SUCLG1: variants seen among roughly 807,000 people sequenced by gnomAD.
The protein encoded by SUCLG1 is succinate-CoA ligase GDP/ADP-forming subunit alpha, also known as succinate--CoA ligase [ADP/GDP-forming] subunit alpha, mitochondrial.
SUCLG1 carries 26 observed loss-of-function variants against 37.3 expected under a neutral mutation model. The ratio of observed to expected loss-of-function variants is 0.70; its 90% CI spans 0.51 to 0.97. The LOEUF (loss-of-function observed/expected upper bound fraction) is 0.97, where lower values mean the gene tolerates loss of function less well. Ranked by LOEUF, SUCLG1 falls within the 50% of genes least tolerant of loss-of-function variation. SUCLG1 has a pLI of 0.00. For missense variants in SUCLG1, 433 were observed against 432.9 expected (o/e 1.00, Z 0.00); for synonymous variants, 163 against 155.6 (o/e 1.05, Z -0.36).
chr2:84,456,152 C>G (rs953134981), intron 1 of SUCLG1, among the ~76,000 whole-genome samples: 1 of 152,100 alleles, frequency 6.6e-6, no homozygotes, highest in Non-Finnish European at 1.5e-5. Context: ...AAAAACAGGC[C>G]TACGCACTTG....
At chr2:84,437,771 A>G (rs990904016) in intron 5 of SUCLG1, among the ~76,000 whole-genome samples, 2 of 152,260 alleles carry the variant, frequency 1.3e-5, no homozygotes, top group African/African-American at 4.8e-5. Flanking sequence ...ACAAATGTTT[A>G]TAGCAGCTGT....
In SUCLG1 at chr2:84,449,762, TAAA is replaced by T. The variant is rs56733272; in HGVS notation, c.98-13_98-11del. 0.38 allele frequency: 295,665 copies of T among 772,734 alleles called. 28,306 individuals are homozygous for T. Among genetic ancestry groups the T allele is most frequent in the Admixed American group, 0.43 (11,812 of 27,246 alleles). 47.9% of individuals were successfully genotyped at this position (772,734 alleles called of 1,614,324 possible). A position where few individuals can be genotyped will look rare whatever the true frequency, so the allele number is the denominator to read the frequency against. On this transcript the variant is annotated splice_polypyrimidine_tract_variant and intron_variant, in intron 1 of 8. Coordinates refer to ENST00000393868, the MANE Select transcript of SUCLG1 (RefSeq NM_003849.4). ...ATTCCATTCTGCGGCACTAAGAGGT[TAAA>T]AAAAAAAAAAAAAAAAAAAAAAGAC...
intron 7 of SUCLG1, among the ~76,000 whole-genome samples, chr2:84,430,254 T>C (rs776674851): frequency 7.2e-5 from 11 of 152,206 alleles, no homozygotes; most frequent in Non-Finnish European, 1.3e-4. Context: ...TACTTTGCTA[T>C]ACGTTACTAA....
chr2:84,430,906 G>A (rs907072960), intron 7 of SUCLG1, among the ~76,000 whole-genome samples: 1 of 152,122 alleles, frequency 6.6e-6, no homozygotes, highest in Non-Finnish European at 1.5e-5. Context: ...CACAGGAACA[G>A]GGCTTAACTC....
rs116831904 is a variant in SUCLG1 at position 84,424,182 on chromosome 2, A to G, written c.1015-410T>C. On this transcript the variant is annotated intron_variant, in intron 8 of 8. Coordinates refer to ENST00000393868, the MANE Select transcript of SUCLG1 (RefSeq NM_003849.4). ...GGTTTGCTCAGTTTCTCAGAGAATA[A>G]AGCTAAAGACAGATTGTTACAAGGA... is the stretch of plus-strand genomic sequence containing the variant. Among the ~76,000 whole-genome samples the G allele has an allele frequency of 2.1e-3, 327 of 152,356 alleles. 1 individual carries two copies. Among genetic ancestry groups the G allele is most frequent in the Middle Eastern group, 3.4e-3 (1 of 294 alleles).
At chr2:84,440,992 G>T in intron 5 of SUCLG1, 55 bp downstream of exon 5, 2 of 1,559,076 alleles carry the variant, frequency 1.3e-6, no homozygotes, top group Admixed American at 1.7e-5. Context: ...TGTGAGTTTT[G>T]AGGGTTTAAG....
chr2:84,455,345 T>C (rs990651474), intron 1 of SUCLG1, among the ~76,000 whole-genome samples: 7 of 151,730 alleles, frequency 4.6e-5, no homozygotes. Flanking sequence ...AAATACAAAA[T>C]TAGCCGGACA....
intron 6 of SUCLG1, chr2:84,432,208 T>C: frequency 6.1e-6 from 1 of 163,058 alleles, no homozygotes; most frequent in South Asian, 1.7e-4. Flanking sequence ...AGAGCATGCA[T>C]ATCAGAGCCA....
At chr2:84,424,655 G>C (rs112904328) in intron 8 of SUCLG1, among the ~76,000 whole-genome samples, 1 of 152,148 alleles carries the variant, frequency 6.6e-6, no homozygotes, top group Non-Finnish European at 1.5e-5. Context: ...GCATGCTTAA[G>C]AGGAGATTTT....
chr2:84,428,112 C>G (rs1014533327), intron 7 of SUCLG1, among the ~76,000 whole-genome samples: 1 of 152,168 alleles, frequency 6.6e-6, no homozygotes, highest in Non-Finnish European at 1.5e-5. Context: ...TGCTCTAGCT[C>G]TGTGCCTTTG....
chr2:84,423,691 C>T lies in SUCLG1; in HGVS notation c.*55G>A. 1.3e-6 allele frequency: 2 copies of T among 1,546,510 alleles called. No homozygotes were observed. Among genetic ancestry groups the T allele is most frequent in the Non-Finnish European group, 1.8e-6 (2 of 1,128,688 alleles). On this transcript the variant is annotated 3_prime_UTR_variant, in exon 9 of 9. Coordinates refer to ENST00000393868, the MANE Select transcript of SUCLG1 (RefSeq NM_003849.4). ...AGTGGACAACAGAAGCAAACTGCTG[C>T]TGGGTTACATGTCTACGTGATCCAT...
chr2:84,431,058 C>A (rs866980576), intron 7 of SUCLG1, among the ~76,000 whole-genome samples: 2 of 152,156 alleles, frequency 1.3e-5, no homozygotes, highest in Middle Eastern at 3.4e-3. Context: ...TGCCATTCCA[C>A]AAGGAAAGTC....
At chr2:84,432,812 G>A (rs942104896) in intron 6 of SUCLG1, 1 of 152,210 alleles carries the variant, frequency 6.6e-6, no homozygotes, top group Non-Finnish European at 1.5e-5. Flanking sequence ...ATTTTAAAAT[G>A]TAAAAATTTG....
At chr2:84,428,577 C>T (rs991647414) in intron 7 of SUCLG1, among the ~76,000 whole-genome samples, 2 of 152,188 alleles carry the variant, frequency 1.3e-5, no homozygotes, top group East Asian at 1.9e-4. Flanking sequence ...AATATTGTTG[C>T]ACTAGAAAGG....
Position 84,443,234 on chromosome 2 carries a change from G to C in SUCLG1, c.318+50C>G, listed in dbSNP as rs371690338. 3.4e-6 allele frequency: 5 copies of C among 1,481,870 alleles called. No homozygotes were observed. In the Admixed American group the frequency reaches 5.0e-5, roughly 15 times the overall value. The allele number at this position is 1,481,870 out of a possible 1,614,324, so 91.8% of individuals were successfully genotyped here. A position where few individuals can be genotyped will look rare whatever the true frequency, so the allele number is the denominator to read the frequency against. The stretch of plus-strand genomic sequence containing the variant: ...TAAGATCTCTACCCAAAGAATGCTC[G>C]CTCTTCCCTTGCTTTTCTTGTCTTG... On this transcript the variant is annotated intron_variant, in intron 3 of 8. Coordinates refer to ENST00000393868, the MANE Select transcript of SUCLG1 (RefSeq NM_003849.4).
chr2:84,427,241 C>A (rs1448973937), intron 7 of SUCLG1, among the ~76,000 whole-genome samples: 1 of 152,188 alleles, frequency 6.6e-6, no homozygotes, highest in Admixed American at 6.5e-5. Context: ...TAAATGACTG[C>A]CTTACAGATA....
intron 5 of SUCLG1, among the ~76,000 whole-genome samples, chr2:84,440,265 C>T (rs779432780): frequency 1.4e-4 from 22 of 152,104 alleles, no homozygotes; most frequent in Non-Finnish European, 2.9e-4. Context: ...CCCAGCTACT[C>T]GGGAGGCTAA....
At position 84,459,235 on chromosome 2, in the gene SUCLG1, G is replaced by A. The variant is rs1480482985; in HGVS notation, c.35C>T (p.Ala12Val). ...GCCGCTGCTGCCGGAGACCATGGTA[G>A]CGATGTCAGCGGCAGCGGCAAGGGT... ...TATLAAAADI[A>V]TMVSGSSGLA... The change falls in exon 1 of 9, where the codon GCT becomes GTT. Residue 12 changes from alanine (A) to valine (V), a missense_variant. Transcript: ENST00000393868. 6.4e-7 allele frequency: 1 copy of A among 1,550,576 alleles called. No homozygotes were observed. The highest frequency in any genetic ancestry group is 1.4e-5 in the African/African-American group (1 of 73,044).
intron 1 of SUCLG1, among the ~76,000 whole-genome samples, chr2:84,453,478 G>T (rs982452744): frequency 6.6e-6 from 1 of 151,676 alleles, no homozygotes; most frequent in African/African-American, 2.4e-5. Flanking sequence ...GCAGTGGCAC[G>T]ATCCCGGCTC....
Sources: gnomAD v4.1 joint callset for allele counts (sites outside exome capture counted in the v4.1 genomes callset) on GRCh38, gnomAD v4.1.1 for gene constraint, MANE v1.5 for transcripts, NCBI Gene and HGNC (gene_info 2026-07-23, HGNC 2026-07-21) for gene names.